FAAP20: variants seen among roughly 807,000 people sequenced by gnomAD.
The protein encoded by FAAP20 is FA core complex associated protein 20.
Under a neutral mutation model 16.2 loss-of-function variants are expected in FAAP20, and 12 were observed. The ratio of observed to expected loss-of-function variants is 0.74; its 90% CI spans 0.48 to 1.20. The LOEUF (loss-of-function observed/expected upper bound fraction) is 1.20. Among genes scored for constraint, FAAP20 ranks in the 50% most tolerant of loss-of-function variants. The pLI is 0.00. For missense variants in FAAP20, 288 were observed against 245.8 expected (o/e 1.17, Z -1.15); for synonymous variants, 141 against 110.7 (o/e 1.27, Z -1.72).
chr1:2,199,146 C>G (rs1375692151), upstream of FAAP20: 14 of 1,182,908 alleles, frequency 1.2e-5, no homozygotes, highest in Non-Finnish European at 1.5e-5. This position sits in a 1 kb window ranked among gnomAD's most constrained non-coding sequence, Gnocchi z 4.5. Context: ...GACAGCGGTC[C>G]TGTTTCTGAA....
At chr1:2,194,210 G>T in intron 1 of FAAP20, 77 bp from the exon 2 acceptor site, 1 of 1,569,406 alleles carries the variant, frequency 6.4e-7, no homozygotes, top group East Asian at 2.3e-5. Context: ...GGAGGGCCTG[G>T]GGCAGAGAGA....
upstream of FAAP20, chr1:2,198,607 C>T (rs1287654762): frequency 9.7e-6 from 11 of 1,130,906 alleles, no homozygotes; most frequent in Admixed American, 3.4e-5. Flanking sequence ...CTAAGCAGCC[C>T]GGTGGCCGTG....
intron 3 of FAAP20, chr1:2,190,232 A>C: frequency 2.2e-6 from 1 of 458,762 alleles, no homozygotes; most frequent in South Asian, 1.5e-5. Context: ...CTCACGTCAG[A>C]GAATTGGTGT....
chr1:2,196,317 T>C (rs139802148), upstream of FAAP20, among the ~76,000 whole-genome samples: 117 of 152,326 alleles, frequency 7.7e-4, no homozygotes, highest in African/African-American at 2.7e-3. This position sits in a 1 kb window ranked among gnomAD's most constrained non-coding sequence, Gnocchi z 4.5. Context: ...ATTCTAGGAC[T>C]TGGGGAGGTC....
upstream of FAAP20, chr1:2,199,736 C>G (rs1420230641): frequency 1.3e-6 from 1 of 756,634 alleles, no homozygotes. This position sits in a 1 kb window ranked among gnomAD's most constrained non-coding sequence, Gnocchi z 4.5. Context: ...TGAGGCGATA[C>G]TGGGTTAGGG....
upstream of FAAP20, chr1:2,198,233 G>A (rs564386558): frequency 5.0e-6 from 6 of 1,189,986 alleles, no homozygotes; most frequent in South Asian, 1.4e-5. Flanking sequence ...ACAAAAGAAC[G>A]TTTCAGCTGT....
downstream of FAAP20, chr1:2,184,693 C>A: frequency 6.2e-7 from 1 of 1,612,886 alleles, no homozygotes; most frequent in Non-Finnish European, 8.5e-7. Context: ...TGACCCCAGA[C>A]GATGAGTGAG....
chr1:2,198,888 TGG>T (rs1297942664), upstream of FAAP20: 1 of 1,289,638 alleles, frequency 7.8e-7, no homozygotes, highest in African/African-American at 1.5e-5. Context: ...GTGGCATTTA[TGG>T]GATACGGGAG....
At chr1:2,200,830 C>T (rs1259623016), upstream of FAAP20, 1 of 1,051,316 alleles carries the variant, frequency 9.5e-7, no homozygotes, top group Admixed American at 5.0e-5. Context: ...TGGAGGATCC[C>T]CCAAGGTCCT....
chr1:2,187,994 TCA>T (rs773987263), downstream of FAAP20, among the ~76,000 whole-genome samples: 1 of 152,252 alleles, frequency 6.6e-6, no homozygotes, highest in Non-Finnish European at 1.5e-5. Context: ...AGGGTTGGAA[TCA>T]CAGTGTGTAG....
chr1:2,209,209 C>T (rs557780348), downstream of FAAP20, among the ~76,000 whole-genome samples: 1 of 152,280 alleles, frequency 6.6e-6, no homozygotes, highest in South Asian at 2.1e-4. Flanking sequence ...GACCAAGCAC[C>T]GTCCTGCCCC....
At chr1:2,185,559 G>C (rs777239353), downstream of FAAP20, 1 of 711,342 alleles carries the variant, frequency 1.4e-6, no homozygotes, top group East Asian at 2.7e-5. Flanking sequence ...AAAAACCCCG[G>C]TAAGTTCCTG....
downstream of FAAP20, chr1:2,186,399 T>A (rs1687595492): frequency 5.9e-6 from 1 of 170,612 alleles, no homozygotes; most frequent in Non-Finnish European, 1.3e-5. Context: ...CAGCACGACA[T>A]GGTGGATTCA....
chr1:2,199,238 C>A, upstream of FAAP20: 1 of 1,155,454 alleles, frequency 8.7e-7, no homozygotes, highest in South Asian at 1.7e-5. The surrounding 1 kb of genome is among the most constrained non-coding windows in gnomAD (Gnocchi z 4.5). Flanking sequence ...GTCCCCAGCA[C>A]CCCTTCAAGC....
At chr1:2,207,930 G>C (rs1468930077), downstream of FAAP20, among the ~76,000 whole-genome samples, 2 of 90,400 alleles carry the variant, frequency 2.2e-5, no homozygotes, top group African/African-American at 3.1e-5. Flanking sequence ...GTGTGTGTGT[G>C]TGTGTGTGTG....
upstream of FAAP20, among the ~76,000 whole-genome samples, chr1:2,195,525 C>A (rs560497258): frequency 6.3e-4 from 96 of 152,384 alleles, no homozygotes; most frequent in African/African-American, 2.3e-3. Context: ...CCTCGCCAGA[C>A]GCCACTCAGG....
At chr1:2,198,182 C>T (rs1379814654), upstream of FAAP20, 5 of 1,274,072 alleles carry the variant, frequency 3.9e-6, no homozygotes, top group East Asian at 1.7e-4. Flanking sequence ...CTGACACGTG[C>T]ACAGTGGAAA....
At position 2,199,790 on chromosome 1, in the gene FAAP20, A is replaced by T; in HGVS notation, n.118T>A. 2.8e-6 allele frequency: 1 copy of T among 362,872 alleles called. No individual in the cohort carries two copies. Among genetic ancestry groups the T allele is most frequent in the Non-Finnish European group, 3.8e-6 (1 of 260,848 alleles). The allele number at this position is 362,872 out of a possible 1,614,324, so 22.5% of individuals were successfully genotyped here. ...TGAGCAGTGTTCTTGTAAGAAAAGG[A>T]AAATTGTCCGGGTGCAGTGTCTCAC... On this transcript the variant is annotated non_coding_transcript_exon_variant, in exon 1 of 4. Coordinates refer to the FAAP20 transcript ENST00000401813. The surrounding 1 kb of genome is among the most constrained non-coding windows in gnomAD (Gnocchi z 4.5).
upstream of FAAP20, among the ~76,000 whole-genome samples, chr1:2,196,898 C>G (rs139390690): frequency 3.9e-5 from 6 of 152,208 alleles, no homozygotes; most frequent in East Asian, 9.7e-4. The surrounding 1 kb of genome is among the most constrained non-coding windows in gnomAD (Gnocchi z 4.5). Context: ...GCTCAGCTCT[C>G]TGTGCCGTGC....
Sources: gnomAD v4.1 joint callset for allele counts (sites outside exome capture counted in the v4.1 genomes callset) on GRCh38, gnomAD v4.1.1 for gene constraint, Gnocchi (gnomAD v3.1) non-coding constraint, MANE v1.5 for transcripts, NCBI Gene and HGNC (gene_info 2026-07-23, HGNC 2026-07-21) for gene names.